PPP1R12B: variants seen among roughly 807,000 people sequenced by gnomAD.
PPP1R12B encodes protein phosphatase 1 regulatory subunit 12B.
Under a neutral mutation model 126.1 loss-of-function variants are expected in PPP1R12B, and 76 were observed. The observed-to-expected ratio is 0.60, with a 90% CI of 0.50 to 0.73. The LOEUF (loss-of-function observed/expected upper bound fraction) is 0.73, where lower values mean the gene tolerates loss of function less well. PPP1R12B is among the 30% of genes least tolerant of loss of function. The pLI is 0.00. For synonymous variants in PPP1R12B, 356 were observed against 434.7 expected, an observed-to-expected ratio of 0.82 and a Z score of 2.25; for missense variants, 1,052 against 1,205.1, an observed-to-expected ratio of 0.87 and a Z score of 1.88.
intron 1 of PPP1R12B, among the ~76,000 whole-genome samples, chr1:202,351,490 C>T (rs763866864): frequency 2.6e-5 from 4 of 152,082 alleles, no homozygotes; most frequent in East Asian, 1.9e-4. Flanking sequence ...CTGCCTGCCT[C>T]GGCCTCCCAA....
At chr1:202,472,837 A>T (rs956477598) in intron 13 of PPP1R12B, among the ~76,000 whole-genome samples, 2 of 152,212 alleles carry the variant, frequency 1.3e-5, no homozygotes, top group African/African-American at 4.8e-5. Context: ...TTTCTGTTGC[A>T]ACTGCTCCCT....
chr1:202,569,110 T>C, intron 22 of PPP1R12B, 37 bp from the exon 23 acceptor site: 1 of 1,604,936 alleles, frequency 6.2e-7, no homozygotes, highest in Non-Finnish European at 8.5e-7. Flanking sequence ...CCCTTCTGAA[T>C]TCAATAATGT....
At chr1:202,415,767 A>G (rs1667979677) in intron 1 of PPP1R12B, among the ~76,000 whole-genome samples, 1 of 152,222 alleles carries the variant, frequency 6.6e-6, no homozygotes, top group Non-Finnish European at 1.5e-5. Flanking sequence ...AACTGCAAGC[A>G]TACTTTGCCA....
At chr1:202,505,814 A>G (rs779260442) in intron 18 of PPP1R12B, among the ~76,000 whole-genome samples, 1 of 152,206 alleles carries the variant, frequency 6.6e-6, no homozygotes, top group East Asian at 1.9e-4. Flanking sequence ...TAAAGAGATA[A>G]TAAAATATAG....
intron 1 of PPP1R12B, among the ~76,000 whole-genome samples, chr1:202,413,480 C>G (rs1185133122): frequency 6.6e-6 from 1 of 152,096 alleles, no homozygotes; most frequent in East Asian, 1.9e-4. Flanking sequence ...TTCATTATAA[C>G]CATGAAATAT....
intron 22 of PPP1R12B, 90 bp downstream of exon 22, chr1:202,567,921 C>G: frequency 6.8e-7 from 1 of 1,480,796 alleles, no homozygotes. Context: ...TGGAAAAAGT[C>G]CATCTTAAGA....
intron 14 of PPP1R12B, among the ~76,000 whole-genome samples, chr1:202,488,976 G>A (rs1198954030): frequency 6.6e-6 from 1 of 152,226 alleles, no homozygotes; most frequent in Non-Finnish European, 1.5e-5. Flanking sequence ...CTGGGAGGCA[G>A]AAGTTCCAGT....
intron 13 of PPP1R12B, among the ~76,000 whole-genome samples, chr1:202,462,045 C>CT (rs1674370023): frequency 6.6e-6 from 1 of 152,116 alleles, no homozygotes; most frequent in African/African-American, 2.4e-5. Flanking sequence ...ACACTCAATA[C>CT]TATGCAGTAG....
chr1:202,368,484 G>A (rs577114153), intron 1 of PPP1R12B, among the ~76,000 whole-genome samples: 77 of 152,150 alleles, frequency 5.1e-4, no homozygotes, highest in African/African-American at 1.8e-3. Context: ...GTCAGCCTCA[G>A]GTATTTCTTT....
At chr1:202,513,055 C>A (rs1459704004) in intron 18 of PPP1R12B, among the ~76,000 whole-genome samples, 7 of 152,200 alleles carry the variant, frequency 4.6e-5, no homozygotes, top group Non-Finnish European at 2.9e-5. Flanking sequence ...GTCACTGCAA[C>A]CTCCACCTCT....
chr1:202,400,196 T>C (rs907646049), intron 1 of PPP1R12B, among the ~76,000 whole-genome samples: 3 of 152,256 alleles, frequency 2.0e-5, no homozygotes, highest in Non-Finnish European at 4.4e-5. Context: ...ATGATTTTGT[T>C]CCTTTTTATG....
At chr1:202,438,804 C>A in intron 10 of PPP1R12B, 1 of 806,618 alleles carries the variant, frequency 1.2e-6, no homozygotes, top group South Asian at 1.3e-5. Context: ...GGCCCTGGAT[C>A]TTAGTGTCTA....
chr1:202,560,696 G>A (rs1419613355), intron 19 of PPP1R12B, among the ~76,000 whole-genome samples: 5 of 152,240 alleles, frequency 3.3e-5, no homozygotes, highest in East Asian at 1.9e-4. Flanking sequence ...CGCCTTAACC[G>A]TCTGGGAATG....
At chr1:202,497,984 G>T (rs1024300395) in intron 18 of PPP1R12B, among the ~76,000 whole-genome samples, 2 of 152,146 alleles carry the variant, frequency 1.3e-5, no homozygotes, top group Non-Finnish European at 2.9e-5. Context: ...TACTGAAATG[G>T]AACATTATCC....
At chr1:202,515,991 G>A (rs529310227) in intron 18 of PPP1R12B, among the ~76,000 whole-genome samples, 10 of 152,154 alleles carry the variant, frequency 6.6e-5, no homozygotes, top group Non-Finnish European at 1.3e-4. Flanking sequence ...TTTAATTCAA[G>A]TCCCTCCTCT....
chr1:202,394,284 G>A (rs931763205), intron 1 of PPP1R12B, among the ~76,000 whole-genome samples: 4 of 151,588 alleles, frequency 2.6e-5, no homozygotes, highest in Non-Finnish European at 5.9e-5. Context: ...CAGTCTGGGC[G>A]ACACAGCGAG....
In PPP1R12B at chr1:202,493,176, G is replaced by A. The variant is rs147285224; in HGVS notation, c.2004G>A (p.Arg668=). 7 of 1,612,314 alleles carry A rather than the reference G, an allele frequency of 4.3e-6. No individual in the cohort carries two copies. In the African/African-American group the frequency reaches 9.3e-5, roughly 22 times the overall value. ...ERTFSRSRAE[R]QAQEQPREKP... is the part of the protein sequence containing the mutation. ...CATTCAGCCGGTCGAGGGCAGAGAG[G>A]CAAGCTCAGGAGCAGCCTCGTGAGA... is the stretch of plus-strand genomic sequence containing the variant. The change falls in exon 15 of 24, where the codon AGG becomes AGA. Residue 668 remains arginine (R), a synonymous_variant. Coordinates refer to ENST00000608999, the MANE Select transcript of PPP1R12B (RefSeq NM_002481.4).
chr1:202,519,260 A>AT (rs890966049), intron 18 of PPP1R12B, among the ~76,000 whole-genome samples: 3 of 150,754 alleles, frequency 2.0e-5, no homozygotes, highest in South Asian at 2.1e-4. Context: ...CAATTAAAAA[A>AT]TTTTTTTTTT....
intron 10 of PPP1R12B, chr1:202,438,886 G>T (rs1671210605): frequency 1.0e-5 from 15 of 1,428,750 alleles, no homozygotes; most frequent in Middle Eastern, 2.0e-4. Flanking sequence ...CAGGGCAGGA[G>T]CCCATACATC....
Sources: allele counts gnomAD v4.1 joint callset (sites outside exome capture counted in the v4.1 genomes callset), GRCh38; gene constraint gnomAD v4.1.1; transcripts MANE v1.5; gene names NCBI Gene and HGNC (gene_info 2026-07-23, HGNC 2026-07-21).